The following ESS2 variants were observed in gnomAD, a reference collection of about 807,000 sequenced individuals.
ESS2 encodes splicing factor ESS-2 homolog.
Under a neutral mutation model 52.0 loss-of-function variants are expected in ESS2, and 31 were observed. The ratio of observed to expected loss-of-function variants is 0.60; its 90% CI spans 0.45 to 0.81. The LOEUF is 0.81. Ranked by LOEUF, ESS2 falls within the 30% of genes least tolerant of loss-of-function variation. The probability of loss-of-function intolerance (pLI) is 0.00; values close to 1 mark genes in which losing one functional copy is unlikely to be tolerated. For synonymous variants in ESS2, 285 were observed against 259.2 expected (o/e 1.10, Z -0.95); for missense variants, 602 against 637.2 (o/e 0.94, Z 0.59).
In ESS2 at chr22:19,132,256, A is replaced by G. The variant is rs1420171713; in HGVS notation, c.*1940T>C. 2 of 1,612,118 alleles carry G rather than the reference A, an allele frequency of 1.2e-6. No individual in the cohort carries two copies. On this transcript the variant is annotated 3_prime_UTR_variant, in exon 10 of 10. Coordinates refer to ENST00000252137, the MANE Select transcript of ESS2 (RefSeq NM_022719.3). The surrounding 1 kb of genome is among the most constrained non-coding windows in gnomAD (Gnocchi z 4.2). ...AAAGCCACGTCTTCTGCCTCCTTCA[A>G]GAGGGAGGGGGAGGGCAAGTACCGC...
At chr22:19,143,036 C>A (rs1412521533) in intron 1 of ESS2, 142 bp from the exon 2 acceptor site, 6 of 799,138 alleles carry the variant, frequency 7.5e-6, no homozygotes, top group African/African-American at 5.2e-5. Flanking sequence ...GAAACCCAGT[C>A]TCTACTAGAA....
chr22:19,143,354 G>A (rs894133220), intron 1 of ESS2, among the ~76,000 whole-genome samples: 1 of 152,170 alleles, frequency 6.6e-6, no homozygotes, highest in African/African-American at 2.4e-5. Flanking sequence ...GGGAGCTTGA[G>A]GGCACTTTCT....
At chr22:19,141,207 GACA>G (rs1315864122) in intron 3 of ESS2, among the ~76,000 whole-genome samples, 1 of 152,098 alleles carries the variant, frequency 6.6e-6, no homozygotes, top group East Asian at 1.9e-4. Flanking sequence ...AAGCTTCAAG[GACA>G]ACAAGGACTG....
At position 19,134,412 on chromosome 22, in the gene ESS2, C is replaced by T. The variant is rs754302679; in HGVS notation, c.1215G>A (p.Thr405=). ...GGGCCCGGTCTGTGTACTTGCTGGC[C>T]GTCCTGCTCACAAGGCGCTGTAGGG... The part of the protein sequence containing the change: ...SPALQRLVSR[T]ASKYTDRALR... Residue 405 remains threonine, a synonymous_variant, in exon 10 of 10, where the codon ACG becomes ACA. Transcript: ENST00000252137. 18 of 1,607,302 alleles carry T rather than the reference C, an allele frequency of 1.1e-5. No individual in the cohort carries two copies. Among genetic ancestry groups the T allele is most frequent in the African/African-American group, 2.7e-5 (2 of 74,706 alleles).
intron 3 of ESS2, among the ~76,000 whole-genome samples, chr22:19,141,451 G>A (rs2083684623): frequency 6.6e-6 from 1 of 152,194 alleles, no homozygotes; most frequent in Non-Finnish European, 1.5e-5. Flanking sequence ...AGGACTCGGA[G>A]TGCCCTTTCC....
rs1375564960 is a variant in ESS2, at chr22:19,144,193, T to C, written c.135+313A>G. ...ATTCACACTTGCTGCCACCGCTCTT[T>C]AGAAAGCCCTCTTTGCCACCATCCT... On this transcript the variant is annotated intron_variant, in intron 1 of 9. Transcript: ENST00000252137. 7 of 1,128,648 alleles carry C rather than the reference T, an allele frequency of 6.2e-6. No individual in the cohort carries two copies. In the African/African-American group the frequency reaches 9.7e-5, roughly 16 times the overall value. 69.9% of individuals were successfully genotyped at this position (1,128,648 alleles called of 1,614,324 possible).
intron 7 of ESS2, 136 bp downstream of exon 7, chr22:19,138,076 CAGG>C: frequency 6.7e-7 from 1 of 1,492,706 alleles, no homozygotes; most frequent in South Asian, 1.4e-5. Context: ...CTTGTACAGA[CAGG>C]AGACCAGGTC....
In ESS2 at chr22:19,134,281, C is replaced by T. The variant is rs142803658; in HGVS notation, c.1346G>A (p.Arg449His). ...TSTPAPGSAT[R>H]TPLTQDPASI... ...GGCCGGGTCCTGTGTGAGAGGGGTG[C>T]GTGTGGCAGAGCCAGGCGCCGGTGT... The change falls in exon 10 of 10, where the codon CGC becomes CAC. Residue 449 changes from arginine to histidine, a missense_variant. Coordinates refer to ENST00000252137, the MANE Select transcript of ESS2 (RefSeq NM_022719.3). The T allele has an allele frequency of 1.1e-4, 171 of 1,592,822 alleles. No individual in the cohort carries two copies. The Admixed American group carries it at 1.4e-3, about 13-fold the overall frequency.
chr22:19,138,194 G>C (rs1217018789), intron 7 of ESS2, 21 bp downstream of exon 7: 3 of 1,613,338 alleles, frequency 1.9e-6, no homozygotes, highest in Non-Finnish European at 2.5e-6. Flanking sequence ...AGACCCACTT[G>C]CCAGTGGGCA....
chr22:19,142,227 T>A (rs1387054866), intron 3 of ESS2, among the ~76,000 whole-genome samples: 1 of 152,162 alleles, frequency 6.6e-6, no homozygotes, highest in Admixed American at 6.5e-5. Flanking sequence ...CCCTGAGGCA[T>A]CTTCAGGATA....
chr22:19,135,744 C>T (rs961224006), intron 8 of ESS2, among the ~76,000 whole-genome samples: 2 of 152,152 alleles, frequency 1.3e-5, no homozygotes, highest in Admixed American at 6.5e-5. Flanking sequence ...GATTAGACTA[C>T]AGGCTGGGAG....
At chr22:19,136,462 C>T (rs2146093468) in intron 8 of ESS2, among the ~76,000 whole-genome samples, 1 of 152,296 alleles carries the variant, frequency 6.6e-6, no homozygotes, top group South Asian at 2.1e-4. Context: ...ATGTATGCTG[C>T]TACACATCCT....
chr22:19,137,946 A>G (rs938153134), intron 7 of ESS2: 2 of 985,152 alleles, frequency 2.0e-6, no homozygotes, highest in African/African-American at 3.5e-5. Context: ...ACCCCCACCC[A>G]CTGACATCAC....
chr22:19,131,974 A>C lies in ESS2; in HGVS notation c.*2222T>G, dbSNP rs768744348. On this transcript the variant is annotated 3_prime_UTR_variant, in exon 10 of 10. Transcript: ENST00000252137. This position sits in a 1 kb window ranked among gnomAD's most constrained non-coding sequence, Gnocchi z 5.7. ...CCCGAGGTGCTGCAGAGCATCCCCT[A>C]CCAGCCCAAGGTGTATGACATCTGG... The C allele has an allele frequency of 1.8e-5, 29 of 1,614,004 alleles. No homozygotes were observed. Among genetic ancestry groups the C allele is most frequent in the Non-Finnish European group, 2.4e-5 (28 of 1,180,034 alleles).
At position 19,144,545 on chromosome 22, in the gene ESS2, C is replaced by A; in HGVS notation, c.96G>T (p.Thr32=). Residue 32 remains threonine, a synonymous_variant, in exon 1 of 10, where the codon ACG becomes ACT. Coordinates refer to ENST00000252137, the MANE Select transcript of ESS2 (RefSeq NM_022719.3). ...CCTCGTCCAGGACCCGCTGCTTGCTCGTCGCAGCCCCAGCCTCTCCCGCCT... is the reference window on the plus strand; with the variant it reads ...CCTCGTCCAGGACCCGCTGCTTGCTAGTCGCAGCCCCAGCCTCTCCCGCCT... ...KREAGEAGAA[T]SKQRVLDEEE... 6.2e-7 allele frequency: 1 copy of A among 1,609,076 alleles called. No individual in the cohort carries two copies. The highest frequency in any genetic ancestry group is 8.5e-7 in the Non-Finnish European group (1 of 1,178,040).
At position 19,139,602 on chromosome 22, in the gene ESS2, C is replaced by T. The variant is rs760923185; in HGVS notation, c.688+10G>A. On this transcript the variant is annotated intron_variant, in intron 5 of 9. Coordinates refer to ENST00000252137, the MANE Select transcript of ESS2 (RefSeq NM_022719.3). The stretch of plus-strand genomic sequence containing the variant: ...CACCTCCCCATTTGGCTGCGAGGCC[C>T]GCCACTTACCCTCTGGATAGTACAT... The T allele has an allele frequency of 7.1e-5, 114 of 1,612,404 alleles. No homozygotes were observed. The highest frequency in any genetic ancestry group is 1.7e-4 in the Middle Eastern group (1 of 6,056).
chr22:19,140,625 GAA>G (rs2083670088), intron 3 of ESS2, among the ~76,000 whole-genome samples: 1 of 152,160 alleles, frequency 6.6e-6, no homozygotes, highest in African/African-American at 2.4e-5. Context: ...TGCCACCATG[GAA>G]AGTGGTACTC....
intron 8 of ESS2, among the ~76,000 whole-genome samples, chr22:19,136,603 G>C (rs972390220): frequency 1.3e-5 from 2 of 152,120 alleles, no homozygotes; most frequent in African/African-American, 4.8e-5. Flanking sequence ...TGTTGGCCTG[G>C]AGACTCGGGA....
At chr22:19,135,310 A>G (rs952634456) in intron 8 of ESS2, 135 bp from the exon 9 acceptor site, 9 of 670,070 alleles carry the variant, frequency 1.3e-5, no homozygotes, top group African/African-American at 3.6e-5. Flanking sequence ...ATCACCTCCC[A>G]CTAAAAGCCC....
Sources: gnomAD v4.1 joint callset for allele counts (sites outside exome capture counted in the v4.1 genomes callset) on GRCh38, gnomAD v4.1.1 for gene constraint, Gnocchi (gnomAD v3.1) non-coding constraint, MANE v1.5 for transcripts, NCBI Gene and HGNC (gene_info 2026-07-23, HGNC 2026-07-21) for gene names.